COL4A5: variants seen among roughly 807,000 people sequenced by gnomAD.
The protein encoded by COL4A5 is collagen alpha-5(IV) chain.
Under a neutral mutation model 130.2 loss-of-function variants are expected in COL4A5, and 26 were observed. That is an observed-to-expected ratio of 0.20 (90% CI 0.15 to 0.28). The LOEUF is 0.28. Among genes scored for constraint, COL4A5 ranks in the 10% least tolerant of loss-of-function variants. The probability of loss-of-function intolerance (pLI) is 1.00; values close to 1 mark genes in which losing one functional copy is unlikely to be tolerated. For synonymous variants in COL4A5, 496 were observed against 439.6 expected, an observed-to-expected ratio of 1.13 and a Z score of -1.60; for missense variants, 1,131 against 1,344.3, an observed-to-expected ratio of 0.84 and a Z score of 2.48.
At chrX:108,616,136 T>C (rs776305603) in intron 30 of COL4A5, among the ~76,000 whole-genome samples, 11 of 111,564 alleles carry the variant, frequency 9.9e-5, no homozygotes, top group Admixed American at 6.6e-4. Context: ...CTTTATCACT[T>C]ATGGAAAAAA....
At chrX:108,660,569 C>T (rs956403611) in intron 37 of COL4A5, among the ~76,000 whole-genome samples, 1 of 111,616 alleles carries the variant, frequency 9.0e-6, no homozygotes, top group Non-Finnish European at 1.9e-5. Context: ...ACTGTCTTTT[C>T]GTCTCCATTT....
intron 33 of COL4A5, 58 bp from the exon 34 acceptor site, chrX:108,624,178 G>C: frequency 9.8e-7 from 1 of 1,016,187 alleles, no homozygotes; most frequent in Non-Finnish European, 1.4e-6. Flanking sequence ...CTTTGCCAAA[G>C]TTATTTCATG....
chrX:108,459,510 T>C, intron 1 of COL4A5, among the ~76,000 whole-genome samples: 1 of 112,526 alleles, frequency 8.9e-6, no homozygotes, highest in Non-Finnish European at 1.9e-5. Flanking sequence ...TTGATATTTA[T>C]AAATAACAAT....
chrX:108,576,432 T>C lies in COL4A5; in HGVS notation c.609+460T>C, dbSNP rs776845335. 8.9e-5 allele frequency among the ~76,000 whole-genome samples: 10 copies of C among 111,871 alleles called. No individual in the cohort carries two copies. The South Asian group carries it at 3.7e-3, about 42-fold the overall frequency. On this transcript the variant is annotated intron_variant, in intron 10 of 52. Coordinates refer to ENST00000328300, the MANE Select transcript of COL4A5 (RefSeq NM_033380.3). ...GGTGAGGGGAGTGATCACTATGCAA[T>C]TGGTCACAGGTTTTTGTACCCCAAA...
chrX:108,651,984 A>G (rs2067739806), intron 36 of COL4A5, among the ~76,000 whole-genome samples: 1 of 111,941 alleles, frequency 8.9e-6, no homozygotes, highest in African/African-American at 3.2e-5. Flanking sequence ...GTTATGCAAG[A>G]TGAGTAAGTT....
intron 36 of COL4A5, among the ~76,000 whole-genome samples, chrX:108,653,532 T>C (rs113853590): frequency 9.0e-6 from 1 of 111,202 alleles, no homozygotes; most frequent in African/African-American, 3.3e-5. Flanking sequence ...TGGCGTGCAA[T>C]TAAAAACATA....
intron 49 of COL4A5, among the ~76,000 whole-genome samples, chrX:108,691,061 C>CA (rs1002808082): frequency 1.8e-5 from 2 of 109,432 alleles, no homozygotes; most frequent in Admixed American, 9.8e-5. Context: ...AAGCCAGGCA[C>CA]AAAAAAAACA....
At chrX:108,503,458 G>A (rs1456170646) in intron 1 of COL4A5, among the ~76,000 whole-genome samples, 1 of 111,660 alleles carries the variant, frequency 9.0e-6, no homozygotes, top group Admixed American at 9.5e-5. Flanking sequence ...TTGGAAAGGA[G>A]GAAGCCAAAC....
intron 33 of COL4A5, 76 bp from the exon 34 acceptor site, chrX:108,624,160 G>GTGT: frequency 1.3e-6 from 1 of 783,736 alleles, no homozygotes; most frequent in East Asian, 3.2e-5. Context: ...TAACACTTGA[G>GTGT]TAGCTTGCTT....
At chrX:108,592,322 AT>A (rs1382203421) in intron 21 of COL4A5, among the ~76,000 whole-genome samples, 4 of 110,204 alleles carry the variant, frequency 3.6e-5, no homozygotes, top group African/African-American at 9.9e-5. Context: ...TTCCCCAAGG[AT>A]TTTTTTTCCA....
intron 1 of COL4A5, among the ~76,000 whole-genome samples, chrX:108,537,684 A>G (rs1219317613): frequency 2.7e-5 from 3 of 112,110 alleles, no homozygotes; most frequent in Non-Finnish European, 5.6e-5. Context: ...ACTGTCTTCT[A>G]CTCGCAACAA....
At chrX:108,484,313 G>A (rs1348841126) in intron 1 of COL4A5, among the ~76,000 whole-genome samples, 3 of 111,650 alleles carry the variant, frequency 2.7e-5, no homozygotes, top group African/African-American at 9.8e-5. Flanking sequence ...TCTGGGATTG[G>A]TCTCTGGTGC....
chrX:108,620,453 T>A, intron 31 of COL4A5, 27 bp downstream of exon 31: 1 of 1,158,811 alleles, frequency 8.6e-7, no homozygotes, highest in Non-Finnish European at 1.2e-6. Flanking sequence ...TTTCTCTGAT[T>A]TGGATTAAGG....
At chrX:108,594,545 TA>T (rs1396267869) in intron 21 of COL4A5, among the ~76,000 whole-genome samples, 2 of 111,145 alleles carry the variant, frequency 1.8e-5, no homozygotes, top group Non-Finnish European at 3.8e-5. Context: ...CTTATATGCC[TA>T]TATGCCATTC....
In COL4A5 at chrX:108,575,826, A is replaced by T. The variant is rs1333851228; in HGVS notation, c.547-84A>T. 2.0e-5 allele frequency: 13 copies of T among 664,673 alleles called. No homozygotes were observed. The East Asian group carries it at 4.4e-4, about 22-fold the overall frequency. The allele number at this position is 664,673 out of a possible 1,213,427, so 54.8% of individuals were successfully genotyped here. A position where few individuals can be genotyped will look rare whatever the true frequency, so the allele number is the denominator to read the frequency against. On this transcript the variant is annotated intron_variant, in intron 9 of 52. Coordinates refer to ENST00000328300, the MANE Select transcript of COL4A5 (RefSeq NM_033380.3). ...CACTCCAGCCTGGGCGACACAAGTG[A>T]GACTTTGTGTAAAAAAAGAAAAAAT...
chrX:108,539,868 TA>T, intron 2 of COL4A5, 63 bp downstream of exon 2: 1 of 945,630 alleles, frequency 1.1e-6, no homozygotes, highest in East Asian at 3.1e-5. Context: ...TTTTAATAAA[TA>T]TTTTTTTAAA....
chrX:108,550,180 G>A (rs1450590583), intron 2 of COL4A5, among the ~76,000 whole-genome samples: 1 of 111,343 alleles, frequency 9.0e-6, no homozygotes, highest in Non-Finnish European at 1.9e-5. Flanking sequence ...ATTTTGTGAA[G>A]CAAGCAAAGC....
Position 108,681,794 on chromosome X carries a change from T to C in COL4A5, c.4122T>C (p.Ser1374=). ...PPGLPGPSGQ[S]IIIKGDAGPP... is the part of the protein sequence containing the mutation. ...GATTACCTGGTCCTTCAGGACAGAG[T>C]ATCATAATTAAAGGAGATGCTGGTC... The change falls in exon 47 of 53, where the codon AGT becomes AGC. Residue 1374 remains serine, a synonymous_variant. Coordinates refer to ENST00000328300, the MANE Select transcript of COL4A5 (RefSeq NM_033380.3). 2 of 1,208,303 alleles carry C rather than the reference T, an allele frequency of 1.7e-6. No homozygotes were observed. The highest frequency in any genetic ancestry group is 1.1e-6 in the Non-Finnish European group (1 of 892,852).
chrX:108,653,547 A>G (rs918499947), intron 36 of COL4A5, among the ~76,000 whole-genome samples: 1 of 110,969 alleles, frequency 9.0e-6, no homozygotes, highest in Non-Finnish European at 1.9e-5. Flanking sequence ...AACATAAATT[A>G]TTTATTTCTG....
Sources: gnomAD v4.1 joint callset for allele counts (sites outside exome capture counted in the v4.1 genomes callset) on GRCh38, gnomAD v4.1.1 for gene constraint, MANE v1.5 for transcripts, NCBI Gene and HGNC (gene_info 2026-07-23, HGNC 2026-07-21) for gene names.